Variants in PPARA observed in about 807,000 individuals in gnomAD.
PPARA encodes peroxisome proliferator activated receptor alpha.
Under a neutral mutation model 42.2 loss-of-function variants are expected in PPARA, and 22 were observed. The observed-to-expected ratio is 0.52, with a 90% confidence interval of 0.37 to 0.74. PPARA has a LOEUF of 0.74. Ranked by LOEUF, PPARA falls within the 30% of genes least tolerant of loss-of-function variation. The probability of loss-of-function intolerance (pLI) is 0.00; values close to 1 mark genes in which losing one functional copy is unlikely to be tolerated. For missense variants in PPARA, 465 were observed against 608.2 expected, an observed-to-expected ratio of 0.76 and a Z score of 2.48; for synonymous variants, 242 against 239.3, an observed-to-expected ratio of 1.01 and a Z score of -0.10.
In PPARA at chr22:46,239,810, T is replaced by C. The variant is rs1482988002; in HGVS notation, c.*4430T>C. The C allele has an allele frequency of 3.2e-5, 6 of 185,564 alleles. No homozygotes were observed. The highest frequency in any genetic ancestry group is 6.6e-5 in the Non-Finnish European group (6 of 90,724). The allele number at this position is 185,564 out of a possible 1,614,324, so 11.5% of individuals were successfully genotyped here. On this transcript the variant is annotated 3_prime_UTR_variant, in exon 9 of 9. Transcript: ENST00000407236. ...TCCTAAGGTCTGTCTCCTCTGAACTTGCACCTGGGCCTCTCTGTGTTTGGT... is the reference window on the plus strand; with the variant it reads ...TCCTAAGGTCTGTCTCCTCTGAACTCGCACCTGGGCCTCTCTGTGTTTGGT...
At chr22:46,215,678 G>A (rs1411703345) in intron 5 of PPARA, among the ~76,000 whole-genome samples, 2 of 151,852 alleles carry the variant, frequency 1.3e-5, no homozygotes, top group African/African-American at 4.8e-5. Flanking sequence ...GGAGCCAGAG[G>A]TTGCAGTGAG....
rs1276475873 is a variant in PPARA at position 46,171,886 on chromosome 22, AG to A, written c.-126-4866del. 6.6e-6 allele frequency among the ~76,000 whole-genome samples: 1 copy of A among 152,082 alleles called. No homozygotes were observed. Among genetic ancestry groups the A allele is most frequent in the African/African-American group, 2.4e-5 (1 of 41,418 alleles). ...ATATGCTCTGATCTAGCTGCTAAAA[AG>A]CCCCCTTGGGCAGCTTGCAGGGCCC... On this transcript the variant is annotated intron_variant, in intron 2 of 8. Coordinates refer to ENST00000407236, the MANE Select transcript of PPARA (RefSeq NM_005036.6). This position sits in a 1 kb window ranked among gnomAD's most constrained non-coding sequence, Gnocchi z 5.0.
rs938340998 is a variant in PPARA at position 46,196,975 on chromosome 22, C to A, written c.-42-1367C>A. On this transcript the variant is annotated intron_variant, in intron 3 of 8. Coordinates refer to ENST00000407236, the MANE Select transcript of PPARA (RefSeq NM_005036.6). The surrounding 1 kb of genome is among the most constrained non-coding windows in gnomAD (Gnocchi z 5.6). ...TGACCTCGTGATCTGCCCACCTGGG[C>A]CTCCCAAAGTGCTGGGATTACAGGC... Among the ~76,000 whole-genome samples the A allele has an allele frequency of 2.0e-5, 3 of 152,140 alleles. No homozygotes were observed. Among genetic ancestry groups the A allele is most frequent in the Non-Finnish European group, 4.4e-5 (3 of 68,018 alleles).
Position 46,185,623 on chromosome 22 carries a change from G to A in PPARA, c.-43+8787G>A, listed in dbSNP as rs544414456. ...AAATATACCACCTCTGGCTGGGCGC[G>A]GTGGCTCACATCTGTAATTCCAGCA... On this transcript the variant is annotated intron_variant, in intron 3 of 8. Coordinates refer to ENST00000407236, the MANE Select transcript of PPARA (RefSeq NM_005036.6). 4.6e-5 allele frequency among the ~76,000 whole-genome samples: 7 copies of A among 151,808 alleles called. No individual in the cohort carries two copies. The East Asian group carries it at 9.7e-4, about 21-fold the overall frequency.
intron 2 of PPARA, among the ~76,000 whole-genome samples, chr22:46,158,985 G>A (rs1035502376): frequency 6.6e-6 from 1 of 152,160 alleles, no homozygotes; most frequent in Non-Finnish European, 1.5e-5. Context: ...TGCCTCCGGG[G>A]TTCCAGTGGT....
rs1213304406 is a variant in PPARA at position 46,190,496 on chromosome 22, A to G, written c.-42-7846A>G. 6.6e-6 allele frequency among the ~76,000 whole-genome samples: 1 copy of G among 152,214 alleles called. No individual in the cohort carries two copies. The highest frequency in any genetic ancestry group is 1.5e-5 in the Non-Finnish European group (1 of 68,042). Reference sequence around the variant, plus strand: ...CAGGCTGGGTATGATGGCTCACACCAGTAATCCCAACACTTAGAGGCCAAG... The same window carrying G: ...CAGGCTGGGTATGATGGCTCACACCGGTAATCCCAACACTTAGAGGCCAAG... On this transcript the variant is annotated intron_variant, in intron 3 of 8. Coordinates refer to ENST00000407236, the MANE Select transcript of PPARA (RefSeq NM_005036.6). This position sits in a 1 kb window ranked among gnomAD's most constrained non-coding sequence, Gnocchi z 5.6.
rs1231358924 is a variant in PPARA, at chr22:46,233,289, C to T, written c.1159+1050C>T. Among the ~76,000 whole-genome samples, 1 of 152,106 alleles carries T rather than the reference C, an allele frequency of 6.6e-6. No individual in the cohort carries two copies. The highest frequency in any genetic ancestry group is 1.5e-5 in the Non-Finnish European group (1 of 68,018). On this transcript the variant is annotated intron_variant, in intron 8 of 8. Transcript: ENST00000407236. This position sits in a 1 kb window ranked among gnomAD's most constrained non-coding sequence, Gnocchi z 7.3. ...CGAGGAAGCAGATCCCAGGGAAGGC[C>T]GATCTGGTCCTCTCTGTGGAAGCTG...
At position 46,224,960 on chromosome 22, in the gene PPARA, G is replaced by A. The variant is rs1935290667; in HGVS notation, c.711+4946G>A. ...AAAGCCCCATGGCTGAGCTGGAACAGGCTAGAATGCTGGGGGGGGGCCTGA... is the reference window on the plus strand; with the variant it reads ...AAAGCCCCATGGCTGAGCTGGAACAAGCTAGAATGCTGGGGGGGGGCCTGA... On this transcript the variant is annotated intron_variant, in intron 7 of 8. Coordinates refer to ENST00000407236, the MANE Select transcript of PPARA (RefSeq NM_005036.6). This position sits in a 1 kb window ranked among gnomAD's most constrained non-coding sequence, Gnocchi z 5.7. Among the ~76,000 whole-genome samples the A allele has an allele frequency of 1.8e-5, 2 of 110,142 alleles. No homozygotes were observed. The highest frequency in any genetic ancestry group is 6.1e-5 in the African/African-American group (2 of 32,644). The allele number at this position is 110,142 out of a possible 152,430, so 72.3% of individuals were successfully genotyped here.
chr22:46,181,363 G>T (rs570414794), intron 3 of PPARA, among the ~76,000 whole-genome samples: 1 of 152,110 alleles, frequency 6.6e-6, no homozygotes, highest in Non-Finnish European at 1.5e-5. Context: ...GACAGGAGCT[G>T]CCCCACAGCT....
intron 3 of PPARA, among the ~76,000 whole-genome samples, chr22:46,177,214 A>AAAT (rs1301325579): frequency 7.9e-5 from 12 of 152,128 alleles, no homozygotes; most frequent in Admixed American, 3.3e-4. Context: ...CTGTCTCAAA[A>AAAT]AATAAAATAA....
chr22:46,208,135 A>G (rs1367538563), intron 4 of PPARA, among the ~76,000 whole-genome samples: 1 of 152,162 alleles, frequency 6.6e-6, no homozygotes, highest in Non-Finnish European at 1.5e-5. Context: ...TTGACAAATA[A>G]TAATTGTATT....
rs1472024054 is a variant in PPARA, at chr22:46,185,917, ATAT to A, written c.-43+9082_-43+9084del. On this transcript the variant is annotated intron_variant, in intron 3 of 8. Transcript: ENST00000407236. ...CTCCAAAAAAAAAAAAAAAAAAAAA[ATAT>A]ATATATATATATATATATATATATA... Among the ~76,000 whole-genome samples the A allele has an allele frequency of 1.5e-3, 15 of 10,098 alleles. 2 individuals carry two copies. Among genetic ancestry groups the A allele is most frequent in the Admixed American group, 5.5e-3 (4 of 726 alleles). 6.6% of individuals were successfully genotyped at this position (10,098 alleles called of 152,430 possible). A position where few individuals can be genotyped will look rare whatever the true frequency, so the allele number is the denominator to read the frequency against.
chr22:46,168,126 G>GAGAATTGCT (rs1555932382), intron 2 of PPARA, among the ~76,000 whole-genome samples: 3 of 151,764 alleles, frequency 2.0e-5, no homozygotes, highest in African/African-American at 2.4e-5. Flanking sequence ...GCTGAAGCAG[G>GAGAATTGCT]TGGATCACAA....
Position 46,207,681 on chromosome 22 carries a change from T to A in PPARA, c.209-7492T>A, listed in dbSNP as rs1426082898. ...ATTATTATTATTATTATTATTATTTTTTTTTTTTTTTTTTTTTTTAGAGAC... is the reference window on the plus strand; with the variant it reads ...ATTATTATTATTATTATTATTATTTATTTTTTTTTTTTTTTTTTTAGAGAC... On this transcript the variant is annotated intron_variant, in intron 4 of 8. Transcript: ENST00000407236. Among the ~76,000 whole-genome samples, 495 of 111,072 alleles carry A rather than the reference T, an allele frequency of 4.5e-3. 2 individuals carry two copies. The highest frequency in any genetic ancestry group is 0.021 in the African/African-American group (448 of 21,034). 72.9% of individuals were successfully genotyped at this position (111,072 alleles called of 152,430 possible).
chr22:46,229,227 G>A (rs1935697520), intron 7 of PPARA, among the ~76,000 whole-genome samples: 1 of 151,994 alleles, frequency 6.6e-6, no homozygotes, highest in African/African-American at 2.4e-5. Flanking sequence ...AGGGAATACT[G>A]CCATCGATCC....
At position 46,188,727 on chromosome 22, in the gene PPARA, A is replaced by T. The variant is rs950389843; in HGVS notation, c.-42-9615A>T. The T allele has an allele frequency of 1.3e-5, 2 of 152,108 alleles. No homozygotes were observed. The highest frequency in any genetic ancestry group is 4.8e-5 in the African/African-American group (2 of 41,400). The allele number at this position is 152,108 out of a possible 1,614,324, so 9.4% of individuals were successfully genotyped here. A position where few individuals can be genotyped will look rare whatever the true frequency, so the allele number is the denominator to read the frequency against. Reference sequence around the variant, plus strand: ...TTGTTTTCCTTCCCGTGCCAGTGCCACACCCCCCTGTCCCAGTGCACTGGG... The same window carrying T: ...TTGTTTTCCTTCCCGTGCCAGTGCCTCACCCCCCTGTCCCAGTGCACTGGG... On this transcript the variant is annotated intron_variant, in intron 3 of 8. Coordinates refer to ENST00000407236, the MANE Select transcript of PPARA (RefSeq NM_005036.6). The surrounding 1 kb of genome is among the most constrained non-coding windows in gnomAD (Gnocchi z 5.0).
In PPARA at chr22:46,192,739, C is replaced by G. The variant is rs991868315; in HGVS notation, c.-42-5603C>G. On this transcript the variant is annotated intron_variant, in intron 3 of 8. Transcript: ENST00000407236. This position sits in a 1 kb window ranked among gnomAD's most constrained non-coding sequence, Gnocchi z 4.3. ...TGGAAGCAACCTAAGTGTCCATCACCAGACAAATAGATAAAGGAAATGTGA... is the reference window on the plus strand; with the variant it reads ...TGGAAGCAACCTAAGTGTCCATCACGAGACAAATAGATAAAGGAAATGTGA... Among the ~76,000 whole-genome samples, 6 of 152,096 alleles carry G rather than the reference C, an allele frequency of 3.9e-5. No homozygotes were observed. Among genetic ancestry groups the G allele is most frequent in the Non-Finnish European group, 7.4e-5 (5 of 68,020 alleles).
rs189522924 is a variant in PPARA at position 46,196,839 on chromosome 22, C to T, written c.-42-1503C>T. Among the ~76,000 whole-genome samples, 29 of 152,318 alleles carry T rather than the reference C, an allele frequency of 1.9e-4. No individual in the cohort carries two copies. The highest frequency in any genetic ancestry group is 7.0e-4 in the African/African-American group (29 of 41,564). On this transcript the variant is annotated intron_variant, in intron 3 of 8. Transcript: ENST00000407236. The surrounding 1 kb of genome is among the most constrained non-coding windows in gnomAD (Gnocchi z 5.6). ...CCATGTTCAAGCGGTTCTCCTGCCTCAACCTCCTGAGTAGCTGGGATTACA... is the reference window on the plus strand; with the variant it reads ...CCATGTTCAAGCGGTTCTCCTGCCTTAACCTCCTGAGTAGCTGGGATTACA...
chr22:46,198,997 T>A (rs1386911621), intron 4 of PPARA, among the ~76,000 whole-genome samples: 1 of 152,130 alleles, frequency 6.6e-6, no homozygotes, highest in Non-Finnish European at 1.5e-5. Flanking sequence ...AGTCACACTT[T>A]TTTGCAAAGA....
Sources: gnomAD v4.1 joint callset for allele counts (sites outside exome capture counted in the v4.1 genomes callset) on GRCh38, gnomAD v4.1.1 for gene constraint, Gnocchi (gnomAD v3.1) non-coding constraint, MANE v1.5 for transcripts, NCBI Gene and HGNC (gene_info 2026-07-23, HGNC 2026-07-21) for gene names.